The following STRIP1 variants were observed in gnomAD, a reference collection of about 807,000 sequenced individuals.
STRIP1 encodes the protein striatin-interacting protein 1.
A neutral mutation model predicts 106.2 loss-of-function variants in STRIP1; 63 were observed. That is an observed-to-expected ratio of 0.59 (90% CI 0.48 to 0.73). The LOEUF (loss-of-function observed/expected upper bound fraction) is 0.73. STRIP1 is among the 30% of genes least tolerant of loss of function. The pLI, the probability that STRIP1 is intolerant of heterozygous loss-of-function variation, is 0.00. For synonymous variants in STRIP1, 390 were observed against 413.0 expected (o/e 0.94, Z 0.67); for missense variants, 857 against 1,074.8 (o/e 0.80, Z 2.83).
At chr1:110,053,309 G>A (rs1019212938) in intron 20 of STRIP1, among the ~76,000 whole-genome samples, 2 of 152,210 alleles carry the variant, frequency 1.3e-5, no homozygotes, top group African/African-American at 4.8e-5. Flanking sequence ...AGTGGCACAC[G>A]GTACCTGGTT....
intron 15 of STRIP1, among the ~76,000 whole-genome samples, chr1:110,048,839 T>C (rs1289132382): frequency 6.6e-6 from 1 of 152,124 alleles, no homozygotes; most frequent in Non-Finnish European, 1.5e-5. Flanking sequence ...GGGGAGATCT[T>C]GGAAAGGAGA....
chr1:110,033,178 CT>C (rs1482871854), upstream of STRIP1, among the ~76,000 whole-genome samples: 1 of 152,178 alleles, frequency 6.6e-6, no homozygotes, highest in Non-Finnish European at 1.5e-5. Context: ...GCCTGCCTTC[CT>C]TGGGCAGCAT....
rs1007096967 is a variant in STRIP1 at position 110,045,170 on chromosome 1, C to T, written c.1416+92C>T. ...GGGAGAAGCCTTTTAAGACTGTTGT[C>T]TGCCTGCAAGAACCTGGGGTAGAGG... On this transcript the variant is annotated intron_variant, in intron 12 of 20. Transcript: ENST00000369795. 3 of 1,202,004 alleles carry T rather than the reference C, an allele frequency of 2.5e-6. No individual in the cohort carries two copies. In the Admixed American group the frequency reaches 5.6e-5, roughly 22 times the overall value. 74.5% of individuals were successfully genotyped at this position (1,202,004 alleles called of 1,614,324 possible). A position where few individuals can be genotyped will look rare whatever the true frequency, so the allele number is the denominator to read the frequency against.
chr1:110,047,948 GGTT>G (rs753335732), intron 15 of STRIP1, 79 bp downstream of exon 15: 15 of 1,242,580 alleles, frequency 1.2e-5, no homozygotes, highest in South Asian at 2.6e-5. Context: ...TTGTCAGGTT[GGTT>G]GTTGTTGGCC....
Position 110,047,851 on chromosome 1 carries a change from T to C in STRIP1, c.1643T>C (p.Val548Ala). The change falls in exon 15 of 21, where the codon GTC (valine) becomes GCC (alanine). Residue 548 changes from valine to alanine, a missense_variant. This residue lies in a region of STRIP1 where 750 missense variants were observed against 989.8 expected (regional missense o/e 0.76). Coordinates refer to ENST00000369795, the MANE Select transcript of STRIP1 (RefSeq NM_033088.4). ...KTDSINILAD[V>A]LPEEMPTTVL... is the part of the protein sequence containing the mutation. ...GACTCAATCAACATCCTAGCGGACG[T>C]CTTGCCTGAGGAGATGCCGTGAGTA... 6.4e-7 allele frequency: 1 copy of C among 1,561,692 alleles called. No homozygotes were observed. The highest frequency in any genetic ancestry group is 8.7e-7 in the Non-Finnish European group (1 of 1,151,752).
intron 1 of STRIP1, among the ~76,000 whole-genome samples, chr1:110,036,436 A>T (rs552020238): frequency 6.6e-6 from 1 of 152,202 alleles, no homozygotes; most frequent in Admixed American, 6.5e-5. Context: ...CCTGGGTGAC[A>T]AGAGCGAAAC....
upstream of STRIP1, among the ~76,000 whole-genome samples, chr1:110,032,699 C>G (rs536531200): frequency 2.6e-5 from 4 of 152,170 alleles, no homozygotes; most frequent in Non-Finnish European, 5.9e-5. Context: ...CCCTACCCAG[C>G]TGATAAGATT....
chr1:110,043,979 G>A, intron 10 of STRIP1, 123 bp downstream of exon 10: 1 of 913,380 alleles, frequency 1.1e-6, no homozygotes, highest in Non-Finnish European at 1.7e-6. Context: ...CGTGGCTCTG[G>A]GATGAGGCTC....
intron 14 of STRIP1, 67 bp from the exon 15 acceptor site, chr1:110,047,705 G>A: frequency 6.5e-7 from 1 of 1,539,812 alleles, no homozygotes; most frequent in Non-Finnish European, 8.8e-7. Context: ...CCAACAGGAG[G>A]ACTGCTCAGA....
At position 110,051,676 on chromosome 1, in the gene STRIP1, T is replaced by C. The variant is rs1340169366; in HGVS notation, c.2062-7T>C. On this transcript the variant is annotated splice_region_variant and splice_polypyrimidine_tract_variant and intron_variant, in intron 19 of 20. Coordinates refer to ENST00000369795, the MANE Select transcript of STRIP1 (RefSeq NM_033088.4). ...AACTTGGGCTGCTTGCTTGTTTCCC[T>C]TCCCAGATGCTGGTGGTGTTCAAGT... 2 of 1,595,080 alleles carry C rather than the reference T, an allele frequency of 1.3e-6. No homozygotes were observed. Among genetic ancestry groups the C allele is most frequent in the Non-Finnish European group, 1.7e-6 (2 of 1,170,482 alleles).
intron 8 of STRIP1, 118 bp downstream of exon 8, chr1:110,041,979 A>C (rs1652786366): frequency 1.6e-6 from 2 of 1,215,366 alleles, no homozygotes; most frequent in Non-Finnish European, 2.3e-6. Context: ...TGGTAAAAAA[A>C]ATTATTTAAA....
Position 110,043,727 on chromosome 1 carries a change from A to T in STRIP1, c.1157A>T (p.Asp386Val), listed in dbSNP as rs761495434. The T allele has an allele frequency of 3.7e-6, 6 of 1,614,204 alleles. No homozygotes were observed. In the Admixed American group the frequency reaches 6.7e-5, roughly 18 times the overall value. ...DDSREEEEEN[D>V]DDNSLEGETF... ...TCTCGAGAAGAGGAAGAGGAGAATG[A>T]TGATGACAACAGTCTGGAGGGGGAG... Residue 386 changes from aspartate to valine, a missense_variant, in exon 10 of 21, where the codon GAT becomes GTT. Asp to Val is a radical substitution (Grantham distance 152). This residue lies in a region of STRIP1 where 750 missense variants were observed against 989.8 expected (regional missense o/e 0.76). Transcript: ENST00000369795.
intron 14 of STRIP1, 44 bp from the exon 15 acceptor site, chr1:110,047,728 C>T (rs1412310920): frequency 1.9e-6 from 3 of 1,546,312 alleles, no homozygotes; most frequent in South Asian, 1.2e-5. Flanking sequence ...TTAATTTTGA[C>T]CCTGGGCTCT....
intron 8 of STRIP1, 93 bp downstream of exon 8, chr1:110,041,954 A>G (rs189920533): frequency 4.1e-5 from 55 of 1,354,802 alleles, no homozygotes; most frequent in Non-Finnish European, 5.3e-5. Context: ...GAATTATGTG[A>G]CTGTAAAACT....
chr1:110,051,007 A>C lies in STRIP1; in HGVS notation c.2008A>C (p.Asn670His). ...FCWRNLFSCI[N>H]LLRILNKLTK... ...CTGGAGGAACCTCTTTTCTTGTATC[A>C]ATCTGCTTCGGATCTTGAACAAGCT... The change falls in exon 19 of 21, where the codon AAT becomes CAT. Residue 670 changes from asparagine to histidine, a missense_variant. By Grantham distance (68) the Asn-to-His change is moderately conservative. Transcript: ENST00000369795. 1 of 1,614,050 alleles carries C rather than the reference A, an allele frequency of 6.2e-7. No homozygotes were observed. The highest frequency in any genetic ancestry group is 8.5e-7 in the Non-Finnish European group (1 of 1,179,892).
chr1:110,045,939 G>A (rs1653000459), intron 12 of STRIP1, among the ~76,000 whole-genome samples: 1 of 152,180 alleles, frequency 6.6e-6, no homozygotes, highest in Non-Finnish European at 1.5e-5. Context: ...CCCTCCACAC[G>A]GGAGAGAACA....
intron 20 of STRIP1, 127 bp downstream of exon 20, chr1:110,052,014 C>A: frequency 2.1e-6 from 2 of 973,900 alleles, no homozygotes; most frequent in Non-Finnish European, 3.0e-6. Flanking sequence ...AGGAAGGAGC[C>A]CAGCTCCTGC....
At chr1:110,051,177 C>T (rs896561607) in intron 19 of STRIP1, 117 bp downstream of exon 19, 8 of 695,406 alleles carry the variant, frequency 1.2e-5, no homozygotes, top group Admixed American at 4.7e-5. Context: ...TTGCTGTAGC[C>T]GTATCCTTGC....
At chr1:110,044,135 TAAAAAC>T (rs1454120779) in intron 10 of STRIP1, among the ~76,000 whole-genome samples, 2 of 152,158 alleles carry the variant, frequency 1.3e-5, no homozygotes, top group African/African-American at 4.8e-5. Context: ...AGGAAACAAA[TAAAAAC>T]AAAAGCATTT....
Sources: gnomAD v4.1 joint callset for allele counts (sites outside exome capture counted in the v4.1 genomes callset) on GRCh38, gnomAD v4.1.1 for gene constraint, gnomAD v4.1.1 regional missense constraint, MANE v1.5 for transcripts, NCBI Gene and HGNC (gene_info 2026-07-23, HGNC 2026-07-21) for gene names.